The following ZFHX3 variants were observed in gnomAD, a reference collection of about 807,000 sequenced individuals.
The protein encoded by ZFHX3 is zinc finger homeobox protein 3.
ZFHX3 carries 42 observed loss-of-function variants against 279.1 expected under a neutral mutation model. The ratio of observed to expected loss-of-function variants is 0.15; its 90% confidence interval spans 0.12 to 0.19. ZFHX3 has a LOEUF of 0.19. Among genes scored for constraint, ZFHX3 ranks in the 10% least tolerant of loss-of-function variants. ZFHX3 has a pLI of 1.00. For missense variants in ZFHX3, 4,981 were observed against 4,754.0 expected (o/e 1.05, Z -1.40); for synonymous variants, 2,293 against 1,957.8 (o/e 1.17, Z -4.52).
intron 3 of ZFHX3, among the ~76,000 whole-genome samples, chr16:73,426,570 G>C (rs1415111781): frequency 1.3e-5 from 2 of 152,070 alleles, no homozygotes; most frequent in Admixed American, 1.3e-4. Context: ...TATAATCATA[G>C]GGTGTGTGTG....
At chr16:73,235,801 G>T in intron 5 of ZFHX3, among the ~76,000 whole-genome samples, 1 of 152,248 alleles carries the variant, frequency 6.6e-6, no homozygotes, top group South Asian at 2.1e-4. Flanking sequence ...CTCCAGAGCG[G>T]CTGGGACTAT....
chr16:73,627,646 C>A (rs779144659), intron 2 of ZFHX3, among the ~76,000 whole-genome samples: 2 of 152,182 alleles, frequency 1.3e-5, no homozygotes, highest in Non-Finnish European at 2.9e-5. Context: ...GGGGTGGGCG[C>A]AGTGGCTCAC....
chr16:73,470,607 A>G (rs1009517628), intron 2 of ZFHX3, among the ~76,000 whole-genome samples: 26 of 152,206 alleles, frequency 1.7e-4, no homozygotes, highest in African/African-American at 6.3e-4. Flanking sequence ...CCCAAATTAT[A>G]GTTCTAAATG....
intron 2 of ZFHX3, among the ~76,000 whole-genome samples, chr16:73,545,501 A>G (rs1051009245): frequency 3.9e-5 from 6 of 152,134 alleles, no homozygotes; most frequent in African/African-American, 1.4e-4. Flanking sequence ...TGCTTCCCAC[A>G]TATTGCACTA....
chr16:73,552,482 A>G (rs1174108391), intron 2 of ZFHX3, among the ~76,000 whole-genome samples: 2 of 152,226 alleles, frequency 1.3e-5, no homozygotes, highest in Non-Finnish European at 2.9e-5. Flanking sequence ...GGTGTAAGAC[A>G]TAGAATCCAT....
Position 72,788,044 on chromosome 16 carries a change from T to A in ZFHX3, c.10232A>T (p.Asp3411Val). 1 of 1,612,360 alleles carries A rather than the reference T, an allele frequency of 6.2e-7. No homozygotes were observed. The highest frequency in any genetic ancestry group is 1.1e-5 in the South Asian group (1 of 91,048). The change falls in exon 10 of 10, where the codon GAC becomes GTC. Residue 3411 changes from aspartate (D) to valine (V), a missense_variant. Asp to Val is a radical substitution (Grantham distance 152). This residue lies in a region of ZFHX3 where 1,034 missense variants were observed against 786.0 expected (regional missense o/e 1.32). Coordinates refer to ENST00000268489, the MANE Select transcript of ZFHX3 (RefSeq NM_006885.4). ...GGGGGATTCTTTGGCAGGGTCTTTG[T>A]CTGGGGAAGGAGCCCCGGGGGGGAC... ...TPVPPGAPSP[D>V]KDPAKESPKP...
intron 1 of ZFHX3, among the ~76,000 whole-genome samples, chr16:73,799,331 A>C (rs958484104): frequency 6.6e-6 from 1 of 152,222 alleles, no homozygotes; most frequent in African/African-American, 2.4e-5. Flanking sequence ...TGTGTATCTT[A>C]TTTAAAACTC....
chr16:73,372,598 A>G (rs1205218361), intron 3 of ZFHX3, among the ~76,000 whole-genome samples: 1 of 152,234 alleles, frequency 6.6e-6, no homozygotes, highest in Non-Finnish European at 1.5e-5. Context: ...AATTAGAATG[A>G]CAACTTGCTC....
At position 73,597,743 on chromosome 16, in the gene ZFHX3, C is replaced by CT. The variant is rs201625616; in HGVS notation, c.-1547+82436dup. 7.2e-4 allele frequency among the ~76,000 whole-genome samples: 109 copies of CT among 152,238 alleles called. No homozygotes were observed. The East Asian group carries it at 0.019, about 27-fold the overall frequency. ...TTAGGCTTTCAGAGGGAGCACAGCT[C>CT]TGCCAACACCTTGATTTCAGACTTC... On this transcript the variant is annotated intron_variant, in intron 2 of 17. Coordinates refer to the ZFHX3 transcript ENST00000641206.
At chr16:72,983,932 C>A (rs1381567876) in intron 1 of ZFHX3, among the ~76,000 whole-genome samples, 1 of 152,216 alleles carries the variant, frequency 6.6e-6, no homozygotes, top group African/African-American at 2.4e-5. Flanking sequence ...CCCGGCCCCA[C>A]CAGTTATAGT....
At chr16:73,392,840 G>T (rs200068060) in intron 3 of ZFHX3, among the ~76,000 whole-genome samples, 1 of 151,656 alleles carries the variant, frequency 6.6e-6, no homozygotes, top group Non-Finnish European at 1.5e-5. Context: ...TTTGTTTTTT[G>T]TTTTTTTGTT....
chr16:73,803,452 A>G (rs1960192565), intron 1 of ZFHX3, among the ~76,000 whole-genome samples: 1 of 152,264 alleles, frequency 6.6e-6, no homozygotes, highest in South Asian at 2.1e-4. Context: ...ACAAGATTTA[A>G]GGAAAATAAT....
chr16:72,997,059 A>G (rs1963323213), intron 1 of ZFHX3, among the ~76,000 whole-genome samples: 1 of 152,192 alleles, frequency 6.6e-6, no homozygotes. Flanking sequence ...GCCCGGCTCA[A>G]AAACAGACCC....
intron 5 of ZFHX3, among the ~76,000 whole-genome samples, chr16:73,234,433 A>AT (rs1236034480): frequency 6.6e-6 from 1 of 151,874 alleles, no homozygotes; most frequent in Non-Finnish European, 1.5e-5. Context: ...TTTTGTTTTT[A>AT]TTTTTTGATG....
intron 3 of ZFHX3, among the ~76,000 whole-genome samples, chr16:73,357,577 A>C (rs1490993631): frequency 6.6e-6 from 1 of 152,190 alleles, no homozygotes; most frequent in Non-Finnish European, 1.5e-5. Flanking sequence ...TGGTTTTGCC[A>C]GAAAACCAGA....
intron 4 of ZFHX3, among the ~76,000 whole-genome samples, chr16:73,264,489 G>T (rs763540711): frequency 3.3e-5 from 5 of 151,934 alleles, no homozygotes; most frequent in Non-Finnish European, 7.4e-5. Flanking sequence ...AATGCCCCAA[G>T]ATTTTCCCAA....
intron 7 of ZFHX3, among the ~76,000 whole-genome samples, chr16:72,811,031 C>T (rs924275440): frequency 1.7e-4 from 26 of 152,154 alleles, no homozygotes; most frequent in African/African-American, 6.3e-4. Context: ...CAGGTGCATG[C>T]ACCACTGTGC....
intron 3 of ZFHX3, among the ~76,000 whole-genome samples, chr16:73,448,345 A>T (rs1189294022): frequency 1.3e-5 from 2 of 152,240 alleles, no homozygotes; most frequent in Non-Finnish European, 2.9e-5. Flanking sequence ...GCACACATTT[A>T]CCAAAATACA....
chr16:73,024,586 G>A (rs1216732974), intron 1 of ZFHX3, among the ~76,000 whole-genome samples: 3 of 152,158 alleles, frequency 2.0e-5, no homozygotes, highest in African/African-American at 4.8e-5. Flanking sequence ...ATGATAAAAC[G>A]AAATCTCACC....
Sources: allele counts gnomAD v4.1 joint callset (sites outside exome capture counted in the v4.1 genomes callset), GRCh38; gene constraint gnomAD v4.1.1; regional missense constraint gnomAD v4.1.1; transcripts MANE v1.5; gene names NCBI Gene and HGNC (gene_info 2026-07-23, HGNC 2026-07-21).